Variants in BCL11A observed in about 807,000 individuals in gnomAD.
BCL11A encodes the protein B cell CLL/lymphoma 11A.
Under a neutral mutation model 55.9 loss-of-function variants are expected in BCL11A, and 2 were observed. The ratio of observed to expected loss-of-function variants is 0.04; its 90% confidence interval spans 0.01 to 0.11. The LOEUF is 0.11. BCL11A is among the 10% of genes least tolerant of loss of function. The pLI, the probability that BCL11A is intolerant of heterozygous loss-of-function variation, is 1.00. For synonymous variants in BCL11A, 465 were observed against 473.4 expected (o/e 0.98, Z 0.23); for missense variants, 817 against 1,137.1 (o/e 0.72, Z 4.05).
chr2:60,546,171 A>G lies in BCL11A; in HGVS notation c.185T>C (p.Ile62Thr). Residue 62 changes from isoleucine (I) to threonine (T), a missense_variant, in exon 2 of 4, where the codon ATT (isoleucine) becomes ACT (threonine). Ile to Thr is a moderately conservative substitution (Grantham distance 89, BLOSUM62 -1). Around this residue, in one of 4 missense-constraint regions of BCL11A, gnomAD observed 363 missense variants for 486.6 expected, o/e 0.75. Coordinates refer to ENST00000642384, the MANE Select transcript of BCL11A (RefSeq NM_022893.4). The surrounding 1 kb of genome is among the most constrained non-coding windows in gnomAD (Gnocchi z 4.1). The part of the protein sequence containing the change: ...QMNFPLGDIL[I>T]FIEHKRKQCN... ...TTGTTTCCGTTTGTGCTCGATAAAA[A>G]TAAGAATGTCCCCCAATGGGAAGTT... The G allele has an allele frequency of 6.2e-7, 1 of 1,614,244 alleles. No homozygotes were observed. Among genetic ancestry groups the G allele is most frequent in the East Asian group, 2.2e-5 (1 of 44,888 alleles).
At chr2:60,498,285 C>T (rs1679067463) in intron 2 of BCL11A, among the ~76,000 whole-genome samples, 1 of 151,822 alleles carries the variant, frequency 6.6e-6, no homozygotes, top group Non-Finnish European at 1.5e-5. Context: ...CAGAAGAGGC[C>T]CTGGACACTG....
rs115134715 is a variant in BCL11A, at chr2:60,552,909, C to T, written c.55+307G>A. ...TGGCGGGGCGGGGGGGGAGTGGAAT[C>T]ATTGCATTCCTTTTCGAAAAGAGAA... On this transcript the variant is annotated intron_variant, in intron 1 of 3. Transcript: ENST00000642384. Among the ~76,000 whole-genome samples, 1,065 of 151,522 alleles carry T rather than the reference C, an allele frequency of 7.0e-3. 22 individuals carry two copies. Among genetic ancestry groups the T allele is most frequent in the African/African-American group, 0.025 (1,011 of 41,182 alleles).
chr2:60,553,717 A>G (rs1273780904), upstream of BCL11A: 1 of 171,416 alleles, frequency 5.8e-6, no homozygotes, highest in African/African-American at 2.5e-5. Flanking sequence ...GCTCACACCA[A>G]TGGACACACA....
In BCL11A at chr2:60,459,560, A is replaced by G; in HGVS notation, c.*844T>C. 9.8e-7 allele frequency: 1 copy of G among 1,025,240 alleles called. No homozygotes were observed. The highest frequency in any genetic ancestry group is 1.2e-6 in the Non-Finnish European group (1 of 853,414). The allele number at this position is 1,025,240 out of a possible 1,614,324, so 63.5% of individuals were successfully genotyped here. A position where few individuals can be genotyped will look rare whatever the true frequency, so the allele number is the denominator to read the frequency against. On this transcript the variant is annotated 3_prime_UTR_variant, in exon 4 of 4. Coordinates refer to ENST00000642384, the MANE Select transcript of BCL11A (RefSeq NM_022893.4). ...TTTTAGGTAGCCATTGTTGTGAGAA[A>G]TACAATATAGAATTATATGCTAGTT... is the stretch of plus-strand genomic sequence containing the variant.
At chr2:60,520,025 G>A (rs779391622) in intron 2 of BCL11A, among the ~76,000 whole-genome samples, 4 of 152,184 alleles carry the variant, frequency 2.6e-5, no homozygotes, top group African/African-American at 4.8e-5. Context: ...CAAATAATTC[G>A]GCCTAAATTT....
chr2:60,493,261 G>A (rs1008393316), intron 2 of BCL11A, among the ~76,000 whole-genome samples: 1 of 152,182 alleles, frequency 6.6e-6, no homozygotes. Flanking sequence ...TGACCACTAT[G>A]AACAGTGCTA....
intron 2 of BCL11A, among the ~76,000 whole-genome samples, chr2:60,479,172 G>A (rs1677805199): frequency 6.6e-6 from 1 of 152,106 alleles, no homozygotes; most frequent in Non-Finnish European, 1.5e-5. Flanking sequence ...GATTCCATAT[G>A]AGTAACATCC....
intron 2 of BCL11A, chr2:60,508,636 A>C (rs1227285300): frequency 6.6e-6 from 1 of 152,238 alleles, no homozygotes; most frequent in Non-Finnish European, 1.5e-5. Flanking sequence ...GGCCAAAGAG[A>C]AGCGTTGCTA....
chr2:60,504,682 T>C (rs1427812364), intron 2 of BCL11A, among the ~76,000 whole-genome samples: 1 of 152,150 alleles, frequency 6.6e-6, no homozygotes, highest in African/African-American at 2.4e-5. Context: ...CACCTGGAAA[T>C]ACAGCTGATG....
At position 60,529,926 on chromosome 2, in the gene BCL11A, T is replaced by C. The variant is rs142952106; in HGVS notation, c.385+16045A>G. On this transcript the variant is annotated intron_variant, in intron 2 of 3. Transcript: ENST00000642384. ...CCCCAGCAGCTCCTCTGGTGGGAAC[T>C]AGAACATGCCTCCTGCCAGTTAGTA... Among the ~76,000 whole-genome samples the C allele has an allele frequency of 1.5e-3, 224 of 152,302 alleles. 6 individuals are homozygous for C. The East Asian group carries it at 0.038, about 26-fold the overall frequency.
intron 2 of BCL11A, among the ~76,000 whole-genome samples, chr2:60,507,276 G>A (rs1452085065): frequency 1.2e-3 from 1 of 820 alleles, no homozygotes; most frequent in Non-Finnish European, 2.3e-3. Context: ...GGGGAGGGGA[G>A]GGGAGGGGAG....
chr2:60,469,968 C>A (rs1677108647), intron 2 of BCL11A, among the ~76,000 whole-genome samples: 2 of 152,120 alleles, frequency 1.3e-5, no homozygotes, highest in Non-Finnish European at 2.9e-5. Flanking sequence ...ATATTAAGAG[C>A]ACTTAGAAGT....
chr2:60,491,870 C>T (rs146124209), intron 2 of BCL11A, among the ~76,000 whole-genome samples: 2 of 152,148 alleles, frequency 1.3e-5, no homozygotes, highest in African/African-American at 4.8e-5. Context: ...GTCCTTAGCA[C>T]CCAAATAGGT....
downstream of BCL11A, among the ~76,000 whole-genome samples, chr2:60,454,032 TAGAG>T (rs745413986): frequency 2.7e-5 from 4 of 150,890 alleles, no homozygotes; most frequent in African/African-American, 4.9e-5. Flanking sequence ...CGCTGGGAAA[TAGAG>T]AGAGAGAAAG....
intron 2 of BCL11A, among the ~76,000 whole-genome samples, chr2:60,505,434 G>A (rs1679532141): frequency 6.6e-6 from 1 of 152,196 alleles, no homozygotes; most frequent in Non-Finnish European, 1.5e-5. Context: ...CACTCATCAG[G>A]TAGTCAGCCG....
chr2:60,542,651 A>C (rs1296393773), intron 2 of BCL11A: 3 of 152,246 alleles, frequency 2.0e-5, no homozygotes, highest in Non-Finnish European at 4.4e-5. Context: ...ATTAACATCT[A>C]TGTGTACAGC....
intron 2 of BCL11A, among the ~76,000 whole-genome samples, chr2:60,538,735 C>G (rs866870036): frequency 1.6e-4 from 11 of 69,354 alleles, no homozygotes; most frequent in African/African-American, 4.9e-4. Context: ...CTCTCTCTCT[C>G]TCTCTGTGTG....
chr2:60,484,763 C>T (rs1326664076), intron 2 of BCL11A, among the ~76,000 whole-genome samples: 3 of 151,694 alleles, frequency 2.0e-5, no homozygotes, highest in East Asian at 3.9e-4. Flanking sequence ...AGGTTTCCTG[C>T]CCTTATCACC....
chr2:60,503,427 G>C (rs1165968559), intron 2 of BCL11A, among the ~76,000 whole-genome samples: 3 of 152,214 alleles, frequency 2.0e-5, no homozygotes, highest in African/African-American at 7.2e-5. Context: ...AAGACAGTAG[G>C]CTATTGCTTC....
Sources: allele counts gnomAD v4.1 joint callset (sites outside exome capture counted in the v4.1 genomes callset), GRCh38; gene constraint gnomAD v4.1.1; regional missense constraint gnomAD v4.1.1; non-coding constraint Gnocchi (gnomAD v3.1); transcripts MANE v1.5; gene names NCBI Gene and HGNC (gene_info 2026-07-23, HGNC 2026-07-21).